Variants in EYS observed in about 807,000 individuals in gnomAD.
EYS encodes the protein protein eyes shut homolog.
In EYS, 250 loss-of-function variants were observed where a neutral mutation model predicts 282.1. The ratio of observed to expected loss-of-function variants is 0.89; its 90% CI spans 0.80 to 0.98. The LOEUF (loss-of-function observed/expected upper bound fraction) is 0.98, where lower values mean the gene tolerates loss of function less well. EYS is among the 50% of genes least tolerant of loss of function. The pLI is 0.00. For synonymous variants in EYS, 1,355 were observed against 1,282.9 expected, an observed-to-expected ratio of 1.06 and a Z score of -1.20; for missense variants, 4,016 against 3,709.0, an observed-to-expected ratio of 1.08 and a Z score of -2.15.
chr6:64,873,044 G>C (rs929010610), intron 19 of EYS, among the ~76,000 whole-genome samples: 61 of 152,050 alleles, frequency 4.0e-4, no homozygotes, highest in African/African-American at 1.4e-3. Context: ...AACTAAAATA[G>C]AGCATTGTAT....
chr6:64,205,968 T>C (rs1188244447), intron 31 of EYS, among the ~76,000 whole-genome samples: 1 of 152,070 alleles, frequency 6.6e-6, no homozygotes, highest in East Asian at 1.9e-4. Context: ...AGTATCTCAT[T>C]AGTAGGCATT....
intron 2 of EYS, among the ~76,000 whole-genome samples, chr6:65,523,204 A>G: frequency 6.6e-6 from 1 of 152,274 alleles, no homozygotes; most frequent in East Asian, 1.9e-4. Context: ...TTAATTACCT[A>G]CATTTTACCA....
intron 26 of EYS, among the ~76,000 whole-genome samples, chr6:64,478,833 T>G (rs1490123372): frequency 6.7e-6 from 1 of 150,122 alleles, no homozygotes; most frequent in African/African-American, 2.5e-5. Context: ...AAAATAATTT[T>G]CTTATGAATT....
At position 64,581,817 on chromosome 6, in the gene EYS, A is replaced by C. The variant is rs1429095081; in HGVS notation, c.5644+8406T>G. Among the ~76,000 whole-genome samples the C allele has an allele frequency of 2.6e-5, 4 of 152,204 alleles. No homozygotes were observed. In the East Asian group the frequency reaches 5.8e-4, roughly 22 times the overall value. On this transcript the variant is annotated intron_variant, in intron 26 of 42. Coordinates refer to ENST00000503581, the MANE Select transcript of EYS (RefSeq NM_001142800.2). Reference sequence around the variant, plus strand: ...CTGGATAGATCTAAGGGCTTCACGAAGGGCAGATAATGAGTGTCTACCACT... The same window carrying C: ...CTGGATAGATCTAAGGGCTTCACGACGGGCAGATAATGAGTGTCTACCACT...
intron 5 of EYS, among the ~76,000 whole-genome samples, chr6:65,470,789 C>T (rs1765180292): frequency 6.6e-6 from 1 of 151,892 alleles, no homozygotes; most frequent in Non-Finnish European, 1.5e-5. Flanking sequence ...AAGTGTGATA[C>T]CAAGAAGAGA....
At chr6:65,182,823 C>A (rs1211276744) in intron 12 of EYS, among the ~76,000 whole-genome samples, 2 of 152,102 alleles carry the variant, frequency 1.3e-5, no homozygotes, top group East Asian at 3.9e-4. Flanking sequence ...AGGTCTCACT[C>A]TATCACCCAG....
rs569188632 is a variant in EYS, at chr6:65,073,253, T to C, written c.2024-15526A>G. Among the ~76,000 whole-genome samples, 8 of 151,962 alleles carry C rather than the reference T, an allele frequency of 5.3e-5. No homozygotes were observed. In the South Asian group the frequency reaches 1.7e-3, roughly 31 times the overall value. ...ACATATTATGCCAGAAAAAATGATA[T>C]ATTTAAATACTTAAGAATATTTAAA... is the stretch of plus-strand genomic sequence containing the variant. On this transcript the variant is annotated intron_variant, in intron 12 of 42. Coordinates refer to ENST00000503581, the MANE Select transcript of EYS (RefSeq NM_001142800.2).
At chr6:65,589,329 C>CCTTA (rs1312835132) in intron 2 of EYS, among the ~76,000 whole-genome samples, 4 of 152,034 alleles carry the variant, frequency 2.6e-5, no homozygotes, top group Non-Finnish European at 5.9e-5. Flanking sequence ...CTTTGACGAT[C>CCTTA]CTTACTCAGT....
intron 18 of EYS, among the ~76,000 whole-genome samples, chr6:64,892,973 A>G (rs1767334694): frequency 1.3e-5 from 2 of 152,206 alleles, no homozygotes; most frequent in African/African-American, 2.4e-5. Context: ...TGATCTCGCT[A>G]TGATAATCAC....
intron 29 of EYS, among the ~76,000 whole-genome samples, chr6:64,332,842 TATACTC>T (rs1431500827): frequency 1.3e-5 from 2 of 152,246 alleles, no homozygotes; most frequent in African/African-American, 4.8e-5. Context: ...CAAGCATAGT[TATACTC>T]TTACTTGTAC....
At chr6:65,305,239 A>G (rs1446482191) in intron 11 of EYS, among the ~76,000 whole-genome samples, 3 of 152,184 alleles carry the variant, frequency 2.0e-5, no homozygotes, top group African/African-American at 7.2e-5. Context: ...GAGGGAGATC[A>G]AGTGAAAGGG....
At chr6:64,025,847 A>G (rs1452846779) in intron 33 of EYS, among the ~76,000 whole-genome samples, 1 of 152,192 alleles carries the variant, frequency 6.6e-6, no homozygotes, top group Admixed American at 6.5e-5. Context: ...TTGGGGCATA[A>G]CATCTTTATA....
chr6:64,210,290 T>C (rs1765725116), intron 31 of EYS, among the ~76,000 whole-genome samples: 1 of 152,176 alleles, frequency 6.6e-6, no homozygotes, highest in Non-Finnish European at 1.5e-5. Context: ...TTAAAAAATA[T>C]TTATTTTCTC....
intron 28 of EYS, among the ~76,000 whole-genome samples, chr6:64,420,859 G>A (rs549674349): frequency 4.6e-5 from 7 of 152,178 alleles, no homozygotes; most frequent in South Asian, 4.2e-4. Flanking sequence ...TTCCTTGTTC[G>A]TTTCACCATC....
At chr6:64,021,073 G>A (rs1769165430) in intron 33 of EYS, among the ~76,000 whole-genome samples, 1 of 151,676 alleles carries the variant, frequency 6.6e-6, no homozygotes, top group Admixed American at 6.6e-5. Flanking sequence ...CTACCCAAAA[G>A]CATTTTCTTA....
chr6:65,288,789 T>C (rs1476744597), intron 12 of EYS, among the ~76,000 whole-genome samples: 1 of 151,162 alleles, frequency 6.6e-6, no homozygotes, highest in Non-Finnish European at 1.5e-5. Context: ...TATGCACATA[T>C]ATGTGAAGGG....
chr6:65,011,805 G>T (rs967911339), intron 13 of EYS, among the ~76,000 whole-genome samples: 1 of 152,172 alleles, frequency 6.6e-6, no homozygotes, highest in Non-Finnish European at 1.5e-5. Flanking sequence ...GGCAACAACA[G>T]GAGGTAAAGA....
intron 41 of EYS, among the ~76,000 whole-genome samples, chr6:63,755,091 C>T (rs1057190165): frequency 1.3e-5 from 2 of 151,864 alleles, no homozygotes; most frequent in Non-Finnish European, 2.9e-5. Context: ...TGGATATTTG[C>T]CGTTTTTCAG....
chr6:64,203,178 C>T (rs1765514453), intron 31 of EYS, among the ~76,000 whole-genome samples: 1 of 152,104 alleles, frequency 6.6e-6, no homozygotes, highest in Non-Finnish European at 1.5e-5. Flanking sequence ...CAAAATGTGC[C>T]AGATGTCTGC....
Sources: allele counts gnomAD v4.1 joint callset (sites outside exome capture counted in the v4.1 genomes callset), GRCh38; gene constraint gnomAD v4.1.1; transcripts MANE v1.5; gene names NCBI Gene and HGNC (gene_info 2026-07-23, HGNC 2026-07-21).